Variants in PTPRN2 observed in about 807,000 individuals in gnomAD.
The protein encoded by PTPRN2 is receptor-type tyrosine-protein phosphatase N2.
Under a neutral mutation model 118.8 loss-of-function variants are expected in PTPRN2, and 74 were observed. That is an observed-to-expected ratio of 0.62 (90% CI 0.52 to 0.76). The LOEUF is 0.76. Ranked by LOEUF, PTPRN2 falls within the 30% of genes least tolerant of loss-of-function variation. The pLI is 0.00. For missense variants in PTPRN2, 1,481 were observed against 1,394.4 expected, an observed-to-expected ratio of 1.06 and a Z score of -0.99; for synonymous variants, 641 against 608.0, an observed-to-expected ratio of 1.05 and a Z score of -0.80.
chr7:158,341,035 A>G (rs1342405227), intron 2 of PTPRN2, among the ~76,000 whole-genome samples: 1 of 12,808 alleles, frequency 7.8e-5, no homozygotes, highest in African/African-American at 3.4e-4. Context: ...ACCCACACTC[A>G]CCATGAGGTG....
intron 21 of PTPRN2, among the ~76,000 whole-genome samples, chr7:157,553,661 G>A (rs946711947): frequency 2.0e-5 from 3 of 152,198 alleles, no homozygotes; most frequent in Non-Finnish European, 4.4e-5. Context: ...GCGTGCCTCC[G>A]AGTCGCGCTG....
intron 11 of PTPRN2, among the ~76,000 whole-genome samples, chr7:157,962,358 G>A (rs576515248): frequency 6.6e-6 from 1 of 152,192 alleles, no homozygotes; most frequent in African/African-American, 2.4e-5. Flanking sequence ...TCCCCCAGCG[G>A]GAGCGTTATT....
intron 3 of PTPRN2, among the ~76,000 whole-genome samples, chr7:158,312,365 CAT>C (rs962253249): frequency 1.4e-5 from 2 of 143,128 alleles, no homozygotes; most frequent in African/African-American, 3.0e-5. Flanking sequence ...GACACACACA[CAT>C]GCACACATGC....
intron 22 of PTPRN2, among the ~76,000 whole-genome samples, chr7:157,542,128 G>T (rs191340959): frequency 2.0e-5 from 3 of 152,294 alleles, no homozygotes; most frequent in Admixed American, 1.3e-4. Context: ...CTGCCCCTGT[G>T]GGGGCAGGGG....
chr7:158,556,997 G>A (rs944848651), intron 1 of PTPRN2, among the ~76,000 whole-genome samples: 1 of 131,464 alleles, frequency 7.6e-6, no homozygotes, highest in African/African-American at 3.7e-5. Flanking sequence ...CTCCCACGCA[G>A]GTCGCTCCCA....
chr7:158,515,709 G>C (rs1389952479), intron 1 of PTPRN2, among the ~76,000 whole-genome samples: 2 of 151,842 alleles, frequency 1.3e-5, no homozygotes, highest in Non-Finnish European at 2.9e-5. Flanking sequence ...GTTCCTTCCT[G>C]TTTCCCTACT....
chr7:158,151,965 A>T (rs1585652371), intron 6 of PTPRN2, among the ~76,000 whole-genome samples: 1 of 152,050 alleles, frequency 6.6e-6, no homozygotes, highest in Non-Finnish European at 1.5e-5. Context: ...CAAGGTCAGG[A>T]GATCAAGACC....
Position 158,574,992 on chromosome 7 carries a change from C to T in PTPRN2, c.112+12566G>A, listed in dbSNP as rs1828247996. Among the ~76,000 whole-genome samples, 2 of 152,248 alleles carry T rather than the reference C, an allele frequency of 1.3e-5. No homozygotes were observed. Reference sequence around the variant, plus strand: ...GCTGCAAATTAAAACAGACTTCCATCCTTTCTTCAAAGGACATATTTTTCT... The same window carrying T: ...GCTGCAAATTAAAACAGACTTCCATTCTTTCTTCAAAGGACATATTTTTCT... On this transcript the variant is annotated intron_variant, in intron 1 of 22. Coordinates refer to ENST00000389418, the MANE Select transcript of PTPRN2 (RefSeq NM_002847.5). The surrounding 1 kb of genome is among the most constrained non-coding windows in gnomAD (Gnocchi z 4.6).
intron 2 of PTPRN2, among the ~76,000 whole-genome samples, chr7:158,324,627 A>G (rs1803335233): frequency 6.6e-6 from 1 of 151,730 alleles, no homozygotes; most frequent in South Asian, 2.1e-4. Flanking sequence ...GACCCCCAGC[A>G]TTTCTATCCC....
At chr7:158,149,096 C>G (rs1820587946) in intron 6 of PTPRN2, among the ~76,000 whole-genome samples, 6 of 148,474 alleles carry the variant, frequency 4.0e-5, no homozygotes, top group African/African-American at 1.5e-4. Flanking sequence ...CACCCCATCT[C>G]ACGCCACACG....
intron 15 of PTPRN2, among the ~76,000 whole-genome samples, chr7:157,612,973 C>T (rs1171870070): frequency 2.0e-5 from 3 of 152,258 alleles, no homozygotes; most frequent in African/African-American, 7.2e-5. Flanking sequence ...GAAGACACAG[C>T]AGCTCCGGAG....
Position 157,649,280 on chromosome 7 carries a change from G to A in PTPRN2, c.2196+7077C>T, listed in dbSNP as rs544642219. Among the ~76,000 whole-genome samples the A allele has an allele frequency of 3.9e-4, 32 of 81,300 alleles. 2 individuals are homozygous for A. Among genetic ancestry groups the A allele is most frequent in the South Asian group, 1.5e-3 (3 of 2,068 alleles). The allele number at this position is 81,300 out of a possible 152,430, so 53.3% of individuals were successfully genotyped here. ...CACTGTGCACTGAACTCGGTGGGTC[G>A]GACCCATCCAGCGTGCACTGAACTT... On this transcript the variant is annotated intron_variant, in intron 14 of 22. Transcript: ENST00000389418.
At chr7:157,699,588 G>T (rs1797968931) in intron 12 of PTPRN2, among the ~76,000 whole-genome samples, 1 of 152,090 alleles carries the variant, frequency 6.6e-6, no homozygotes, top group Admixed American at 6.6e-5. Flanking sequence ...CAGGCCCAGT[G>T]AATTTTTTTT....
intron 2 of PTPRN2, among the ~76,000 whole-genome samples, chr7:158,361,948 A>T (rs1317914084): frequency 1.3e-5 from 2 of 152,066 alleles, no homozygotes; most frequent in Admixed American, 1.3e-4. Flanking sequence ...TATGGAGCTC[A>T]TCCCCGCTTC....
intron 14 of PTPRN2, among the ~76,000 whole-genome samples, chr7:157,643,493 C>T (rs1317810816): frequency 6.6e-6 from 1 of 152,242 alleles, no homozygotes; most frequent in African/African-American, 2.4e-5. Flanking sequence ...GCAAGGGGCA[C>T]TGTGGCGGAG....
intron 4 of PTPRN2, among the ~76,000 whole-genome samples, chr7:158,201,527 A>C (rs1826647570): frequency 6.6e-6 from 1 of 152,154 alleles, no homozygotes; most frequent in African/African-American, 2.4e-5. Context: ...AAAAATCCAC[A>C]TTCTATAGGG....
At chr7:158,293,570 T>A (rs1478449409) in intron 3 of PTPRN2, among the ~76,000 whole-genome samples, 1 of 151,704 alleles carries the variant, frequency 6.6e-6, no homozygotes, top group Non-Finnish European at 1.5e-5. Flanking sequence ...AGCAAGACTC[T>A]GTCTCGAAAA....
chr7:157,849,777 C>T (rs1353637424), intron 12 of PTPRN2, among the ~76,000 whole-genome samples: 1 of 152,184 alleles, frequency 6.6e-6, no homozygotes. Context: ...ACAGCCACAG[C>T]TCATGGCCAG....
chr7:158,584,217 AG>A (rs373049900), intron 1 of PTPRN2, among the ~76,000 whole-genome samples: 110 of 152,146 alleles, frequency 7.2e-4, no homozygotes, highest in Non-Finnish European at 6.6e-4. Context: ...AGCAAAAGGA[AG>A]GGGGGGCCTT....
Sources: allele counts gnomAD v4.1 joint callset (sites outside exome capture counted in the v4.1 genomes callset), GRCh38; gene constraint gnomAD v4.1.1; non-coding constraint Gnocchi (gnomAD v3.1); transcripts MANE v1.5; gene names NCBI Gene and HGNC (gene_info 2026-07-23, HGNC 2026-07-21).